The following MICALL2 variants were observed in gnomAD, a reference collection of about 807,000 sequenced individuals.
MICALL2 encodes the protein MICAL-like protein 2.
In MICALL2, 111 loss-of-function variants were observed where a neutral mutation model predicts 91.1. The ratio of observed to expected loss-of-function variants is 1.22; its 90% CI spans 1.04 to 1.43. MICALL2 has a LOEUF of 1.43. Among genes scored for constraint, MICALL2 ranks in the 40% most tolerant of loss-of-function variants. The pLI is 0.00. For missense variants in MICALL2, 1,556 were observed against 1,236.0 expected (o/e 1.26, Z -3.88); for synonymous variants, 694 against 525.3 (o/e 1.32, Z -4.39).
At chr7:1,444,626 G>A in intron 6 of MICALL2, 26 bp downstream of exon 6, 1 of 1,596,856 alleles carries the variant, frequency 6.3e-7, no homozygotes, top group Non-Finnish European at 8.5e-7. Context: ...GCCATACCCG[G>A]GGTCCCTCGG....
chr7:1,439,298 T>A, intron 9 of MICALL2: 1 of 396,402 alleles, frequency 2.5e-6, no homozygotes, highest in Non-Finnish European at 4.6e-6. Context: ...GAGATGTGTG[T>A]GCACACACAC....
intron 3 of MICALL2, among the ~76,000 whole-genome samples, chr7:1,448,403 A>T (rs971654817): frequency 1.3e-5 from 2 of 152,234 alleles, no homozygotes; most frequent in African/African-American, 4.8e-5. Context: ...TGGTGAAGAC[A>T]CAGCCTGGGG....
Position 1,459,380 on chromosome 7 carries a change from C to G in MICALL2, c.-54G>C. The G allele has an allele frequency of 3.0e-6, 4 of 1,335,216 alleles. No homozygotes were observed. In the South Asian group the frequency reaches 6.8e-5, roughly 23 times the overall value. 82.7% of individuals were successfully genotyped at this position (1,335,216 alleles called of 1,614,324 possible). ...ACCGCCCTCCGACACCTTCCCGCGGCTGTGCCGCGACCGCCCGGCCGGCGG... is the reference window on the plus strand; with the variant it reads ...ACCGCCCTCCGACACCTTCCCGCGGGTGTGCCGCGACCGCCCGGCCGGCGG... On this transcript the variant is annotated 5_prime_UTR_variant, in exon 1 of 17. Transcript: ENST00000297508.
In MICALL2 at chr7:1,435,090, G is replaced by A. The variant is rs375279365; in HGVS notation, c.2638+11C>T. 49 of 1,606,592 alleles carry A rather than the reference G, an allele frequency of 3.0e-5. No individual in the cohort carries two copies. Among genetic ancestry groups the A allele is most frequent in the African/African-American group, 2.4e-4 (18 of 73,812 alleles). On this transcript the variant is annotated intron_variant, in intron 16 of 16. Transcript: ENST00000297508. ...AGCCAGCCCAGCCCTCAGCATCCCC[G>A]GCCCAGTCACCCAGCTTCTCAATCA... is the stretch of plus-strand genomic sequence containing the variant.
At chr7:1,437,408 T>C (rs1458600844) in intron 14 of MICALL2, 127 bp downstream of exon 14, 8 of 742,034 alleles carry the variant, frequency 1.1e-5, no homozygotes. Flanking sequence ...AAACGTGGGC[T>C]CGCCTGGCTC....
In MICALL2 at chr7:1,446,818, A is replaced by G. The variant is rs137919202; in HGVS notation, c.536T>C (p.Leu179Ser). ...GGPPPKTDQA[L>S]AGSLVSSTCG... is the part of the protein sequence containing the mutation. ...GGTGCTGCTGACCAAGCTGCCCGCC[A>G]ATGCCTGGTCCTGGGGAAGATGCCA... Residue 179 changes from leucine (L) to serine (S), a missense_variant, in exon 5 of 17, where the codon TTG becomes TCG. Physicochemically the swap from Leu to Ser is moderately radical, Grantham distance 145 (BLOSUM62 -2). Coordinates refer to ENST00000297508, the MANE Select transcript of MICALL2 (RefSeq NM_182924.4). 2,583 of 1,592,318 alleles carry G rather than the reference A, an allele frequency of 1.6e-3. 2 individuals carry two copies. The highest frequency in any genetic ancestry group is 2.1e-3 in the Non-Finnish European group (2,414 of 1,169,446).
In MICALL2 at chr7:1,451,914, A is replaced by G. The variant is rs1216292592; in HGVS notation, c.144-1626T>C. On this transcript the variant is annotated intron_variant, in intron 1 of 16. Transcript: ENST00000297508. The surrounding 1 kb of genome is among the most constrained non-coding windows in gnomAD (Gnocchi z 4.5). ...CATAAGAATGCTCCGAGGCCCGGACAGTGAGCCCATTTCACCTGTTTCACA... is the reference window on the plus strand; with the variant it reads ...CATAAGAATGCTCCGAGGCCCGGACGGTGAGCCCATTTCACCTGTTTCACA... Among the ~76,000 whole-genome samples the G allele has an allele frequency of 6.6e-6, 1 of 152,198 alleles. No individual in the cohort carries two copies. Among genetic ancestry groups the G allele is most frequent in the Non-Finnish European group, 1.5e-5 (1 of 68,016 alleles).
rs200767614 is a variant in MICALL2, at chr7:1,436,770, C to A, written c.2563G>T (p.Val855Leu). The A allele has an allele frequency of 1.1e-4, 170 of 1,607,910 alleles. No individual in the cohort carries two copies. In the East Asian group the frequency reaches 3.5e-3, roughly 33 times the overall value. Residue 855 changes from valine (V) to leucine (L), a missense_variant, in exon 15 of 17, where the codon GTG becomes TTG. Transcript: ENST00000297508. ...AGCCGGTCCTCGTCCAGCGAGTCCACGATGTCACTGCGGTCGTTCACGGTG... is the reference window on the plus strand; with the variant it reads ...AGCCGGTCCTCGTCCAGCGAGTCCAAGATGTCACTGCGGTCGTTCACGGTG... ...VSTVNDRSDI[V>L]DSLDEDRLRE...
intron 15 of MICALL2, 63 bp downstream of exon 15, chr7:1,436,679 G>T: frequency 1.6e-6 from 2 of 1,286,740 alleles, no homozygotes; most frequent in South Asian, 1.4e-5. Context: ...GACCCTGAGG[G>T]CCGGGAGCAT....
In MICALL2 at chr7:1,448,890, AGTT is replaced by A. The variant is rs1272463735; in HGVS notation, c.193-132_193-130del. ...AGGCGTGGGTTGGAGGCCGGAGCTG[AGTT>A]CTGCTCGCGTGGCCTCCCGGCCTCA... On this transcript the variant is annotated intron_variant, in intron 2 of 16. Transcript: ENST00000297508. 24 of 1,146,828 alleles carry A rather than the reference AGTT, an allele frequency of 2.1e-5. No homozygotes were observed. In the African/African-American group the frequency reaches 3.7e-4, roughly 18 times the overall value. The allele number at this position is 1,146,828 out of a possible 1,614,324, so 71.0% of individuals were successfully genotyped here. A position where few individuals can be genotyped will look rare whatever the true frequency, so the allele number is the denominator to read the frequency against.
At chr7:1,441,768 C>T (rs374911839) in intron 7 of MICALL2, 228 of 220,592 alleles carry the variant, frequency 1.0e-3, no homozygotes, top group African/African-American at 5.0e-3. Context: ...TGTGGTGACA[C>T]AGGGTGCCAC....
At chr7:1,447,544 G>A (rs779365367) in intron 4 of MICALL2, 31 bp downstream of exon 4, 16 of 1,115,294 alleles carry the variant, frequency 1.4e-5, no homozygotes, top group East Asian at 8.5e-5. Context: ...AAAACCCAGA[G>A]AACCAGGGGG....
In MICALL2 at chr7:1,443,902, G is replaced by A. The variant is rs1024810181; in HGVS notation, c.1418+750C>T. Among the ~76,000 whole-genome samples the A allele has an allele frequency of 4.6e-5, 7 of 152,192 alleles. No homozygotes were observed. The East Asian group carries it at 9.7e-4, about 21-fold the overall frequency. On this transcript the variant is annotated intron_variant, in intron 6 of 16. Transcript: ENST00000297508. ...GCAGCGCCCCCCTCTACCCGTCCAC[G>A]TCATCTGCTCAGGGTCCAGGCACAG...
chr7:1,439,494 G>T, intron 9 of MICALL2: 1 of 155,390 alleles, frequency 6.4e-6, no homozygotes, highest in South Asian at 1.9e-4. Flanking sequence ...CATGCATCAC[G>T]TGTGGGCACA....
Position 1,444,842 on chromosome 7 carries a change from C to T in MICALL2, c.1228G>A (p.Ala410Thr), listed in dbSNP as rs547295271. Residue 410 changes from alanine to threonine, a missense_variant, in exon 6 of 17, where the codon GCC becomes ACC. Physicochemically the swap from Ala to Thr is moderately conservative, Grantham distance 58. Coordinates refer to ENST00000297508, the MANE Select transcript of MICALL2 (RefSeq NM_182924.4). ...TTCCGGGCCTGCTGGGTCCTGGAGG[C>T]GGACGGGGTCCAGGCTGGGGGGTCC... ...TVDPPAWTPS[A>T]SRTQQARNKF... 16 of 1,606,810 alleles carry T rather than the reference C, an allele frequency of 1.0e-5. No homozygotes were observed. Among genetic ancestry groups the T allele is most frequent in the African/African-American group, 5.3e-5 (4 of 75,014 alleles).
At chr7:1,439,409 G>A (rs1334673918) in intron 9 of MICALL2, 2 of 195,874 alleles carry the variant, frequency 1.0e-5, no homozygotes, top group Admixed American at 7.0e-5. Context: ...GAACACGGTT[G>A]CACACACATG....
At position 1,438,302 on chromosome 7, in the gene MICALL2, G is replaced by A. The variant is rs141761142; in HGVS notation, c.2174C>T (p.Thr725Ile). The change falls in exon 11 of 17, where the codon ACC (threonine) becomes ATC (isoleucine). Residue 725 changes from threonine (T) to isoleucine (I), a missense_variant. Thr to Ile is a moderately conservative substitution (Grantham distance 89, BLOSUM62 -1). Coordinates refer to ENST00000297508, the MANE Select transcript of MICALL2 (RefSeq NM_182924.4). ...NVPALPGETV[T>I]SPVRLHPDYL... Reference sequence around the variant, plus strand: ...ACCACTACTCACCCTGACTGGGGAGGTCACCGTCTCGCCAGGCAGAGCAGG... The same window carrying A: ...ACCACTACTCACCCTGACTGGGGAGATCACCGTCTCGCCAGGCAGAGCAGG... 15 of 1,601,512 alleles carry A rather than the reference G, an allele frequency of 9.4e-6. No individual in the cohort carries two copies. The African/African-American group carries it at 1.1e-4, about 11-fold the overall frequency.
intron 7 of MICALL2, 124 bp downstream of exon 7, chr7:1,442,068 G>T: frequency 9.0e-7 from 1 of 1,113,876 alleles, no homozygotes; most frequent in Non-Finnish European, 1.3e-6. Flanking sequence ...GGAGGACAGA[G>T]ATGAGACGGA....
chr7:1,445,287 C>T lies in MICALL2; in HGVS notation c.783G>A (p.Gly261=). ...AGGTCCTGGAATCCACACCCATGGCCCCTGGCTGTCGGGGGACCAGACCCG... is the reference window on the plus strand; with the variant it reads ...AGGTCCTGGAATCCACACCCATGGCTCCTGGCTGTCGGGGGACCAGACCCG... The part of the protein sequence containing the change: ...KLTGLVPRQP[G]AMGVDSRTSC... The change falls in exon 6 of 17, where the codon GGG becomes GGA. Residue 261 remains glycine, a synonymous_variant. Coordinates refer to ENST00000297508, the MANE Select transcript of MICALL2 (RefSeq NM_182924.4). 1 of 1,612,350 alleles carries T rather than the reference C, an allele frequency of 6.2e-7. No individual in the cohort carries two copies. Among genetic ancestry groups the T allele is most frequent in the Non-Finnish European group, 8.5e-7 (1 of 1,179,854 alleles).
Sources: gnomAD v4.1 joint callset for allele counts (sites outside exome capture counted in the v4.1 genomes callset) on GRCh38, gnomAD v4.1.1 for gene constraint, Gnocchi (gnomAD v3.1) non-coding constraint, MANE v1.5 for transcripts, NCBI Gene and HGNC (gene_info 2026-07-23, HGNC 2026-07-21) for gene names.